The following PCDHGA12 variants were observed in gnomAD, a reference collection of about 807,000 sequenced individuals.
PCDHGA12 encodes protocadherin gamma-A12.
Under a neutral mutation model 61.1 loss-of-function variants are expected in PCDHGA12, and 43 were observed. The observed-to-expected ratio is 0.70, with a 90% CI of 0.55 to 0.91. The LOEUF is 0.91. PCDHGA12 is among the 40% of genes least tolerant of loss of function. The pLI, the probability that PCDHGA12 is intolerant of heterozygous loss-of-function variation, is 0.00. For synonymous variants in PCDHGA12, 520 were observed against 542.9 expected, an observed-to-expected ratio of 0.96 and a Z score of 0.59; for missense variants, 1,236 against 1,227.7, an observed-to-expected ratio of 1.01 and a Z score of -0.10.
Position 141,490,795 on chromosome 5 carries a change from C to G in PCDHGA12, c.2425-4012C>G. The G allele has an allele frequency of 6.2e-7, 1 of 1,614,036 alleles. No homozygotes were observed. The highest frequency in any genetic ancestry group is 1.1e-5 in the South Asian group (1 of 91,084). Reference sequence around the variant, plus strand: ...CCCAGAGGATGGACGGATCTTTGCCCAGCGTACCTTTGACTATGAATTGCT... The same window carrying G: ...CCCAGAGGATGGACGGATCTTTGCCGAGCGTACCTTTGACTATGAATTGCT... On this transcript the variant is annotated intron_variant, in intron 1 of 3. Transcript: ENST00000252085. This position sits in a 1 kb window ranked among gnomAD's most constrained non-coding sequence, Gnocchi z 5.4.
chr5:141,488,193 T>C (rs1211647195), intron 1 of PCDHGA12, among the ~76,000 whole-genome samples: 1 of 152,122 alleles, frequency 6.6e-6, no homozygotes, highest in Non-Finnish European at 1.5e-5. Flanking sequence ...TTGGTCTGGG[T>C]CTTAGGACTC....
Position 141,487,591 on chromosome 5 carries a change from C to G in PCDHGA12, c.2425-7216C>G, listed in dbSNP as rs2099653282. The G allele has an allele frequency of 1.2e-6, 2 of 1,614,176 alleles. No individual in the cohort carries two copies. The highest frequency in any genetic ancestry group is 1.7e-6 in the Non-Finnish European group (2 of 1,180,036). ...AGCCTGTTCGCCCAAGCTGCCCACC[C>G]TCTGATCTTCTCTATGGGCTAGAGG... is the stretch of plus-strand genomic sequence containing the variant. On this transcript the variant is annotated intron_variant, in intron 1 of 3. Coordinates refer to ENST00000252085, the MANE Select transcript of PCDHGA12 (RefSeq NM_003735.3). The surrounding 1 kb of genome is among the most constrained non-coding windows in gnomAD (Gnocchi z 5.0).
At chr5:141,506,241 G>C (rs2237081) in intron 3 of PCDHGA12, among the ~76,000 whole-genome samples, 78,081 of 151,504 alleles carry the variant, frequency 0.52, 20,775 homozygotes, top group African/African-American at 0.63. Context: ...ATGAGGTCAG[G>C]AGTTCGAAAC....
Position 141,438,619 on chromosome 5 carries a change from T to C in PCDHGA12, c.2424+5436T>C, listed in dbSNP as rs1053855444. Reference sequence around the variant, plus strand: ...ATATATATATATATATATATATATATATATATATATATATATACACACACA... The same window carrying C: ...ATATATATATATATATATATATATACATATATATATATATATACACACACA... On this transcript the variant is annotated intron_variant, in intron 1 of 3. Transcript: ENST00000252085. 1.0e-4 allele frequency among the ~76,000 whole-genome samples: 4 copies of C among 39,678 alleles called. No homozygotes were observed. The East Asian group carries it at 2.5e-3, about 25-fold the overall frequency. The allele number at this position is 39,678 out of a possible 152,430, so 26.0% of individuals were successfully genotyped here.
intron 1 of PCDHGA12, among the ~76,000 whole-genome samples, chr5:141,456,918 G>A (rs535602842): frequency 6.6e-6 from 1 of 152,006 alleles, no homozygotes; most frequent in African/African-American, 2.4e-5. Context: ...AGCCGAGATC[G>A]CACCACTGCA....
In PCDHGA12 at chr5:141,485,062, C is replaced by T. The variant is rs2099606141; in HGVS notation, c.2425-9745C>T. 2.3e-6 allele frequency: 2 copies of T among 876,222 alleles called. No individual in the cohort carries two copies. Among genetic ancestry groups the T allele is most frequent in the Non-Finnish European group, 3.6e-6 (2 of 552,684 alleles). 54.3% of individuals were successfully genotyped at this position (876,222 alleles called of 1,614,324 possible). ...CCTTGCGGCGCCGGCCGAACCGCGCCAGAGCTGGCGCGGGGAAAGGGAGAT... is the reference window on the plus strand; with the variant it reads ...CCTTGCGGCGCCGGCCGAACCGCGCTAGAGCTGGCGCGGGGAAAGGGAGAT... On this transcript the variant is annotated intron_variant, in intron 1 of 3. Coordinates refer to ENST00000252085, the MANE Select transcript of PCDHGA12 (RefSeq NM_003735.3). The surrounding 1 kb of genome is among the most constrained non-coding windows in gnomAD (Gnocchi z 5.7).
At chr5:141,437,741 C>CT (rs35124340) in intron 1 of PCDHGA12, among the ~76,000 whole-genome samples, 18,734 of 141,656 alleles carry the variant, frequency 0.13, 1,459 homozygotes, top group African/African-American at 0.22. Context: ...TTGAGTTCAC[C>CT]TTTTTTTTTT....
intron 3 of PCDHGA12, chr5:141,508,084 T>A (rs1422530110): frequency 6.6e-6 from 1 of 152,432 alleles, no homozygotes; most frequent in East Asian, 1.9e-4. Flanking sequence ...CTGGAGTTGC[T>A]GCCTTGGCCC....
rs201006002 is a variant in PCDHGA12, at chr5:141,432,497, C to G, written c.1738C>G (p.Arg580Gly). The part of the protein sequence containing the change: ...DGSTGVELAP[R>G]SAEPGYLVTK... Reference sequence around the variant, plus strand: ...TTCCACTGGCGTGGAGCTGGCTCCCCGCTCCGCAGAGCCCGGCTACCTGGT... The same window carrying G: ...TTCCACTGGCGTGGAGCTGGCTCCCGGCTCCGCAGAGCCCGGCTACCTGGT... Residue 580 changes from arginine to glycine, a missense_variant, in exon 1 of 4, where the codon CGC becomes GGC. Transcript: ENST00000252085. This position sits in a 1 kb window ranked among gnomAD's most constrained non-coding sequence, Gnocchi z 6.0. The G allele has an allele frequency of 1.1e-5, 18 of 1,614,182 alleles. No homozygotes were observed. In the East Asian group the frequency reaches 4.0e-4, roughly 36 times the overall value.
intron 2 of PCDHGA12, among the ~76,000 whole-genome samples, chr5:141,503,166 A>T (rs1246987375): frequency 1.3e-5 from 2 of 151,884 alleles, no homozygotes; most frequent in Admixed American, 1.3e-4. Context: ...CACAATTGCA[A>T]TTACTCTATT....
In PCDHGA12 at chr5:141,512,494, C is replaced by T. The variant is rs2099884262; in HGVS notation, c.*1321C>T. The T allele has an allele frequency of 6.5e-6, 1 of 152,894 alleles. No individual in the cohort carries two copies. Among genetic ancestry groups the T allele is most frequent in the Admixed American group, 6.5e-5 (1 of 15,282 alleles). The allele number at this position is 152,894 out of a possible 1,614,324, so 9.5% of individuals were successfully genotyped here. Reference sequence around the variant, plus strand: ...CTTCCGTGAAGGCCACTGCCCAGGTCCCCAGTGCGCCCCCTAGTGGCCATA... The same window carrying T: ...CTTCCGTGAAGGCCACTGCCCAGGTTCCCAGTGCGCCCCCTAGTGGCCATA... On this transcript the variant is annotated 3_prime_UTR_variant, in exon 4 of 4. Transcript: ENST00000252085.
intron 2 of PCDHGA12, among the ~76,000 whole-genome samples, chr5:141,497,671 C>T (rs1026356633): frequency 6.6e-5 from 10 of 151,878 alleles, no homozygotes; most frequent in African/African-American, 2.4e-4. Flanking sequence ...TCCCGAGTAG[C>T]TGGGACAGCA....
chr5:141,492,894 G>A (rs2099744893), intron 1 of PCDHGA12, among the ~76,000 whole-genome samples: 1 of 152,202 alleles, frequency 6.6e-6, no homozygotes, highest in Admixed American at 6.5e-5. Flanking sequence ...GGCTTTTGGC[G>A]CCGTCGTGAT....
In PCDHGA12 at chr5:141,432,373, G is replaced by T; in HGVS notation, c.1614G>T (p.Gly538=). The part of the protein sequence containing the change: ...LQVKVMARDN[G]HPPLSSNVSL... ...TGAAAGTGATGGCGCGGGACAACGG[G>T]CACCCGCCCCTCAGCAGCAACGTGT... is the stretch of plus-strand genomic sequence containing the variant. The change falls in exon 1 of 4, where the codon GGG becomes GGT. Residue 538 remains glycine (G), a synonymous_variant. Coordinates refer to ENST00000252085, the MANE Select transcript of PCDHGA12 (RefSeq NM_003735.3). This position sits in a 1 kb window ranked among gnomAD's most constrained non-coding sequence, Gnocchi z 6.0. The T allele has an allele frequency of 6.2e-7, 1 of 1,614,206 alleles. No homozygotes were observed. The highest frequency in any genetic ancestry group is 1.1e-5 in the South Asian group (1 of 91,082).
At chr5:141,447,082 T>C (rs1259827606) in intron 1 of PCDHGA12, among the ~76,000 whole-genome samples, 3 of 152,156 alleles carry the variant, frequency 2.0e-5, no homozygotes, top group Non-Finnish European at 2.9e-5. Context: ...ATTTTTGTTG[T>C]TTAATTTTCT....
chr5:141,478,819 C>T, intron 1 of PCDHGA12: 8 of 1,447,842 alleles, frequency 5.5e-6, no homozygotes, highest in South Asian at 3.0e-5. Flanking sequence ...CACAACTAAC[C>T]AATCTTGCTA....
chr5:141,491,368 A>G lies in PCDHGA12; in HGVS notation c.2425-3439A>G. ...CAGTCTCTTATCCCTAGTCACCTTC[A>G]CCTTTCTGTCAGCGAAGTGCCTTCA... On this transcript the variant is annotated intron_variant, in intron 1 of 3. Transcript: ENST00000252085. This position sits in a 1 kb window ranked among gnomAD's most constrained non-coding sequence, Gnocchi z 6.9. 6.2e-7 allele frequency: 1 copy of G among 1,613,842 alleles called. No homozygotes were observed. The highest frequency in any genetic ancestry group is 8.5e-7 in the Non-Finnish European group (1 of 1,179,940).
chr5:141,478,382 C>A (rs1287807889), intron 1 of PCDHGA12: 2 of 1,613,552 alleles, frequency 1.2e-6, no homozygotes, highest in South Asian at 2.2e-5. Flanking sequence ...GTCGCCGCAC[C>A]TTTACCATCA....
chr5:141,439,716 C>T (rs2098127719), intron 1 of PCDHGA12: 1 of 152,476 alleles, frequency 6.6e-6, no homozygotes, highest in Non-Finnish European at 1.5e-5. Flanking sequence ...CCTAGTTCTA[C>T]AAATTATAAG....
Sources: gnomAD v4.1 joint callset for allele counts (sites outside exome capture counted in the v4.1 genomes callset) on GRCh38, gnomAD v4.1.1 for gene constraint, Gnocchi (gnomAD v3.1) non-coding constraint, MANE v1.5 for transcripts, NCBI Gene and HGNC (gene_info 2026-07-23, HGNC 2026-07-21) for gene names.